Variants in FOXP1 observed in about 807,000 individuals in gnomAD.
FOXP1 encodes the protein forkhead box protein P1.
A neutral mutation model predicts 98.2 loss-of-function variants in FOXP1; 15 were observed. The ratio of observed to expected loss-of-function variants is 0.15; its 90% CI spans 0.10 to 0.24. FOXP1 has a LOEUF of 0.24. Ranked by LOEUF, FOXP1 falls within the 10% of genes least tolerant of loss-of-function variation. The pLI is 1.00. For missense variants in FOXP1, 633 were observed against 848.5 expected (o/e 0.75, Z 3.15); for synonymous variants, 371 against 314.5 (o/e 1.18, Z -1.90).
chr3:70,977,039 T>C lies in FOXP1; in HGVS notation c.1432A>G (p.Ile478Val). The C allele has an allele frequency of 1.2e-6, 2 of 1,607,050 alleles. No homozygotes were observed. Among genetic ancestry groups the C allele is most frequent in the Non-Finnish European group, 1.7e-6 (2 of 1,173,598 alleles). Residue 478 changes from isoleucine to valine, a missense_variant, in exon 17 of 21, where the codon ATT (isoleucine) becomes GTT (valine). Ile to Val is a conservative substitution (Grantham distance 29). Around this residue, in one of 6 missense-constraint regions of FOXP1, gnomAD observed 141 missense variants for 199.5 expected, o/e 0.71. Coordinates refer to ENST00000649528, the MANE Select transcript of FOXP1 (RefSeq NM_001349338.3). ...FTYASLIRQA[I>V]LESPEKQLTL... is the part of the protein sequence containing the mutation. ...AGCTGCTTTTCTGGAGATTCGAGAATGGCCTGTGAAGCAGAATGTAACAGA... is the reference window on the plus strand; with the variant it reads ...AGCTGCTTTTCTGGAGATTCGAGAACGGCCTGTGAAGCAGAATGTAACAGA...
intron 5 of FOXP1, among the ~76,000 whole-genome samples, chr3:71,211,081 G>C (rs1470776255): frequency 1.3e-5 from 2 of 152,122 alleles, no homozygotes. Context: ...TGCTTGAATG[G>C]GGTACTCTTT....
At chr3:71,544,908 G>A (rs1182468151) in intron 2 of FOXP1, among the ~76,000 whole-genome samples, 1 of 151,724 alleles carries the variant, frequency 6.6e-6, no homozygotes, top group East Asian at 1.9e-4. Context: ...CAGCTTAGAA[G>A]GCAAAGAAAA....
At chr3:71,430,217 G>A (rs1005574232) in intron 3 of FOXP1, among the ~76,000 whole-genome samples, 3 of 152,150 alleles carry the variant, frequency 2.0e-5, no homozygotes, top group African/African-American at 7.2e-5. Context: ...CGAGGACTTT[G>A]CAGCGTGAGC....
chr3:70,972,720 A>C, intron 17 of FOXP1, 44 bp from the exon 18 acceptor site: 1 of 1,602,772 alleles, frequency 6.2e-7, no homozygotes, highest in Non-Finnish European at 8.5e-7. Context: ...TTTCTATAAG[A>C]AAAGACTCCA....
intron 3 of FOXP1, among the ~76,000 whole-genome samples, chr3:71,465,758 T>C (rs2088646912): frequency 6.6e-6 from 1 of 152,124 alleles, no homozygotes; most frequent in African/African-American, 2.4e-5. Context: ...TACCAGCCCA[T>C]GGCCCGTTAG....
rs183787860 is a variant in FOXP1 at position 71,061,367 on chromosome 3, C to T, written c.283-7594G>A. 1.8e-4 allele frequency among the ~76,000 whole-genome samples: 28 copies of T among 152,232 alleles called. No homozygotes were observed. The East Asian group carries it at 4.6e-3, about 25-fold the overall frequency. On this transcript the variant is annotated intron_variant, in intron 7 of 20. Transcript: ENST00000649528. ...ACTTGCAGTCTTACATGAAATGTTA[C>T]GTGCAAAGATACATGAAATCAAGCT... is the stretch of plus-strand genomic sequence containing the variant.
rs746264001 is a variant in FOXP1, at chr3:70,977,913, G to A, written c.1263C>T (p.Pro421=). The change falls in exon 15 of 21, where the codon CCC becomes CCT. Residue 421 remains proline (P), a synonymous_variant. Coordinates refer to ENST00000649528, the MANE Select transcript of FOXP1 (RefSeq NM_001349338.3). ...GCATGCTGGTGGTTGTGATGACAGA[G>A]GGGCCTTGGGTGACGGGAGTCAGGG... ...TAPLTPVTQG[P]SVITTTSMHT... is the part of the protein sequence containing the mutation. The A allele has an allele frequency of 6.2e-7, 1 of 1,614,200 alleles. No individual in the cohort carries two copies. Among genetic ancestry groups the A allele is most frequent in the Non-Finnish European group, 8.5e-7 (1 of 1,180,034 alleles).
chr3:71,092,243 C>T (rs1167012924), intron 7 of FOXP1, among the ~76,000 whole-genome samples: 9 of 151,776 alleles, frequency 5.9e-5, no homozygotes, highest in Admixed American at 3.9e-4. Flanking sequence ...TGGTGGTGCA[C>T]GCCTGTAATC....
At chr3:71,131,581 G>A (rs940295275) in intron 6 of FOXP1, among the ~76,000 whole-genome samples, 1 of 152,158 alleles carries the variant, frequency 6.6e-6, no homozygotes, top group Non-Finnish European at 1.5e-5. Flanking sequence ...CTGTCAGTGG[G>A]ATGTTTACAT....
chr3:71,232,877 C>CCAAAAAAAAAAAAA (rs1553791711), intron 5 of FOXP1, among the ~76,000 whole-genome samples: 1 of 31,422 alleles, frequency 3.2e-5, no homozygotes, highest in African/African-American at 1.1e-4. Context: ...AACTCTGTCT[C>CCAAAAAAAAAAAAA]AAAAAAAAAA....
At chr3:71,189,123 G>A (rs1311048561) in intron 6 of FOXP1, among the ~76,000 whole-genome samples, 2 of 152,274 alleles carry the variant, frequency 1.3e-5, no homozygotes, top group East Asian at 1.9e-4. Flanking sequence ...CCTCCTAAAT[G>A]AGTCTTCCAA....
At chr3:71,549,501 G>C (rs1302684451) in intron 2 of FOXP1, among the ~76,000 whole-genome samples, 3 of 152,108 alleles carry the variant, frequency 2.0e-5, no homozygotes, top group African/African-American at 4.8e-5. Context: ...CAGCCTCCCA[G>C]GCAGCTGGGA....
At chr3:71,125,383 C>G (rs921129008) in intron 6 of FOXP1, among the ~76,000 whole-genome samples, 1 of 152,102 alleles carries the variant, frequency 6.6e-6, no homozygotes, top group Admixed American at 6.5e-5. Context: ...TTCTTCCATT[C>G]ACCTGGAACT....
At chr3:71,402,080 C>T (rs907214487) in intron 3 of FOXP1, among the ~76,000 whole-genome samples, 2 of 152,152 alleles carry the variant, frequency 1.3e-5, no homozygotes, top group Non-Finnish European at 2.9e-5. Flanking sequence ...TTAGTGAGTG[C>T]GGTTTATTGT....
chr3:71,093,931 T>A (rs2056174555), intron 7 of FOXP1, among the ~76,000 whole-genome samples: 1 of 152,174 alleles, frequency 6.6e-6, no homozygotes, highest in Non-Finnish European at 1.5e-5. Context: ...TCAGTAACAT[T>A]GTTCTCTATC....
chr3:71,391,944 C>A (rs968509442), intron 3 of FOXP1, among the ~76,000 whole-genome samples: 2 of 152,156 alleles, frequency 1.3e-5, no homozygotes, highest in Non-Finnish European at 2.9e-5. Flanking sequence ...GCAGGAAAGA[C>A]AGCTCACGGA....
At chr3:71,392,388 C>T (rs775640259) in intron 3 of FOXP1, among the ~76,000 whole-genome samples, 4 of 151,902 alleles carry the variant, frequency 2.6e-5, no homozygotes, top group East Asian at 1.9e-4. Flanking sequence ...ATAACAGTCG[C>T]GTTTAAAGAA....
At chr3:71,383,457 A>G (rs831081) in intron 3 of FOXP1, among the ~76,000 whole-genome samples, 101,564 of 152,080 alleles carry the variant, frequency 0.67, 35,408 homozygotes, top group East Asian at 0.9. Flanking sequence ...AGTATCAATG[A>G]GAAAATGTTG....
chr3:70,976,880 C>T, intron 17 of FOXP1, 61 bp downstream of exon 17: 1 of 1,244,410 alleles, frequency 8.0e-7, no homozygotes, highest in Non-Finnish European at 1.2e-6. Flanking sequence ...TGCATTTTAT[C>T]AACAACAAAC....
Sources: gnomAD v4.1 joint callset for allele counts (sites outside exome capture counted in the v4.1 genomes callset) on GRCh38, gnomAD v4.1.1 for gene constraint, gnomAD v4.1.1 regional missense constraint, MANE v1.5 for transcripts, NCBI Gene and HGNC (gene_info 2026-07-23, HGNC 2026-07-21) for gene names.